Variants in CARMIL1 observed in about 807,000 individuals in gnomAD.
CARMIL1 encodes F-actin-uncapping protein LRRC16A.
Under a neutral mutation model 177.1 loss-of-function variants are expected in CARMIL1, and 90 were observed. That is an observed-to-expected ratio of 0.51 (90% CI 0.43 to 0.61). The LOEUF is 0.61. Ranked by LOEUF, CARMIL1 falls within the 20% of genes least tolerant of loss-of-function variation. The probability of loss-of-function intolerance (pLI) is 0.00; values close to 1 mark genes in which losing one functional copy is unlikely to be tolerated. For synonymous variants in CARMIL1, 577 were observed against 606.2 expected (o/e 0.95, Z 0.71); for missense variants, 1,380 against 1,667.0 (o/e 0.83, Z 3.00).
chr6:25,328,961 G>A (rs368001262), intron 2 of CARMIL1, among the ~76,000 whole-genome samples: 2 of 152,256 alleles, frequency 1.3e-5, no homozygotes, highest in East Asian at 1.9e-4. Flanking sequence ...ATGGGTGCCA[G>A]TCTTAGGAGG....
chr6:25,528,669 A>T, intron 23 of CARMIL1, 126 bp from the exon 24 acceptor site: 1 of 718,538 alleles, frequency 1.4e-6, no homozygotes, highest in Non-Finnish European at 2.5e-6. Context: ...TGTGGGGTCA[A>T]AGCACTGGCA....
intron 29 of CARMIL1, chr6:25,563,768 G>A: frequency 2.0e-6 from 2 of 985,430 alleles, no homozygotes; most frequent in Non-Finnish European, 2.4e-6. Context: ...GAAGTGGCAA[G>A]GTAGTTTTGG....
intron 27 of CARMIL1, 75 bp downstream of exon 27, chr6:25,551,160 A>G: frequency 4.3e-6 from 5 of 1,173,020 alleles, no homozygotes; most frequent in Non-Finnish European, 6.2e-6. Flanking sequence ...AAAGAGGGTT[A>G]TTGTTGGCTG....
chr6:25,395,080 A>G (rs1793249749), intron 2 of CARMIL1, among the ~76,000 whole-genome samples: 3 of 152,196 alleles, frequency 2.0e-5, no homozygotes, highest in Admixed American at 1.3e-4. Flanking sequence ...GTCTAAATTT[A>G]CCAGCAAGTC....
chr6:25,371,013 G>A (rs1418936956), intron 2 of CARMIL1, among the ~76,000 whole-genome samples: 1 of 152,032 alleles, frequency 6.6e-6, no homozygotes, highest in East Asian at 1.9e-4. Flanking sequence ...GAGAACATAC[G>A]GTATTTGGTT....
At chr6:25,540,661 C>A (rs1216229899) in intron 26 of CARMIL1, among the ~76,000 whole-genome samples, 1 of 152,104 alleles carries the variant, frequency 6.6e-6, no homozygotes, top group East Asian at 1.9e-4. Context: ...CTTAAAGTAA[C>A]TTCAAGAAAC....
At chr6:25,424,516 A>G (rs1581893619) in intron 3 of CARMIL1, among the ~76,000 whole-genome samples, 2 of 152,180 alleles carry the variant, frequency 1.3e-5, no homozygotes, top group African/African-American at 2.4e-5. Flanking sequence ...ACCTGCTCAC[A>G]CCTATTCACA....
At chr6:25,389,824 T>C (rs901346440) in intron 2 of CARMIL1, among the ~76,000 whole-genome samples, 1 of 152,182 alleles carries the variant, frequency 6.6e-6, no homozygotes, top group African/African-American at 2.4e-5. Flanking sequence ...GAATACAGTT[T>C]AGGAATGAAG....
Position 25,537,027 on chromosome 6 carries a change from G to A in CARMIL1, c.2068-828G>A, listed in dbSNP as rs1808369850. Among the ~76,000 whole-genome samples the A allele has an allele frequency of 2.6e-5, 4 of 152,030 alleles. No homozygotes were observed. In the South Asian group the frequency reaches 8.3e-4, roughly 32 times the overall value. On this transcript the variant is annotated intron_variant, in intron 24 of 36. Transcript: ENST00000329474. ...GTTATCTTTTTCTTCAGACTTCTTG[G>A]CTTCCTTCATGCTTTTTTGTATAAG...
chr6:25,402,496 T>C (rs1298908208), intron 2 of CARMIL1, among the ~76,000 whole-genome samples: 3 of 152,138 alleles, frequency 2.0e-5, no homozygotes, highest in Non-Finnish European at 2.9e-5. Context: ...AAGAAGAACA[T>C]GTGCTTTCTG....
Position 25,581,234 on chromosome 6 carries a change from T to C in CARMIL1, c.2810-9T>C, listed in dbSNP as rs2151252028. On this transcript the variant is annotated splice_polypyrimidine_tract_variant and intron_variant, in intron 30 of 36. Coordinates refer to ENST00000329474, the MANE Select transcript of CARMIL1 (RefSeq NM_017640.6). ...GGCTGTTTTTTTGTTTTTTTGTTTT[T>C]AATTTTAGAAATGGAGTTTGATCTA... The C allele has an allele frequency of 6.2e-7, 1 of 1,606,794 alleles. No individual in the cohort carries two copies. The highest frequency in any genetic ancestry group is 2.2e-5 in the East Asian group (1 of 44,840).
intron 2 of CARMIL1, among the ~76,000 whole-genome samples, chr6:25,357,880 T>G (rs1788794610): frequency 6.6e-6 from 1 of 152,216 alleles, no homozygotes; most frequent in Non-Finnish European, 1.5e-5. Flanking sequence ...TACTTTCAGT[T>G]GCATTTTCTA....
intron 2 of CARMIL1, among the ~76,000 whole-genome samples, chr6:25,404,767 A>AT (rs1471567210): frequency 6.8e-6 from 1 of 147,152 alleles, no homozygotes; most frequent in African/African-American, 2.5e-5. Context: ...AAAAAAAAAA[A>AT]AAAAATAGAG....
chr6:25,279,753 T>G lies in CARMIL1; in HGVS notation c.-43T>G. 6.2e-7 allele frequency: 1 copy of G among 1,604,234 alleles called. No homozygotes were observed. Among genetic ancestry groups the G allele is most frequent in the Non-Finnish European group, 8.5e-7 (1 of 1,171,272 alleles). On this transcript the variant is annotated 5_prime_UTR_variant, in exon 1 of 37. Transcript: ENST00000329474. ...TCGGGGAAGGGCAGGGGGCCATAAA[T>G]CAGAGTTGGACCTGCAATAACCCCC...
chr6:25,585,633 G>A (rs1215776985), intron 31 of CARMIL1, among the ~76,000 whole-genome samples: 1 of 152,180 alleles, frequency 6.6e-6, no homozygotes, highest in Non-Finnish European at 1.5e-5. Context: ...ATAGTGGAGG[G>A]AAGGTCAGCA....
intron 24 of CARMIL1, among the ~76,000 whole-genome samples, chr6:25,530,676 G>C (rs112166821): frequency 2.3e-3 from 355 of 152,034 alleles, no homozygotes; most frequent in African/African-American, 8.1e-3. Context: ...TTCTATTCCC[G>C]TCATATTCCT....
intron 8 of CARMIL1, among the ~76,000 whole-genome samples, chr6:25,453,276 T>G (rs536382112): frequency 1.5e-4 from 23 of 151,434 alleles, no homozygotes; most frequent in African/African-American, 5.3e-4. Flanking sequence ...TATTATCAGG[T>G]GAAGTGATAT....
In CARMIL1 at chr6:25,489,775, T is replaced by C. The variant is rs146576779; in HGVS notation, c.1065+1190T>C. 2.2e-4 allele frequency among the ~76,000 whole-genome samples: 33 copies of C among 152,292 alleles called. No individual in the cohort carries two copies. In the East Asian group the frequency reaches 5.8e-3, roughly 27 times the overall value. On this transcript the variant is annotated intron_variant, in intron 13 of 36. Transcript: ENST00000329474. ...CTTGAACTTAAAATTATTTAAATAA[T>C]ACTTGATTCCTGGTGTGCCACGATT...
chr6:25,561,764 C>T (rs958256228), intron 29 of CARMIL1, among the ~76,000 whole-genome samples: 4 of 152,092 alleles, frequency 2.6e-5, no homozygotes, highest in Non-Finnish European at 5.9e-5. Flanking sequence ...CAATATGTCT[C>T]ATCTAAAATG....
Sources: allele counts gnomAD v4.1 joint callset (sites outside exome capture counted in the v4.1 genomes callset), GRCh38; gene constraint gnomAD v4.1.1; transcripts MANE v1.5; gene names NCBI Gene and HGNC (gene_info 2026-07-23, HGNC 2026-07-21).